The following NDUFAF6 variants were observed in gnomAD, a reference collection of about 807,000 sequenced individuals.
The protein encoded by NDUFAF6 is NADH dehydrogenase (ubiquinone) complex I, assembly factor 6.
In NDUFAF6, 45 loss-of-function variants were observed where a neutral mutation model predicts 40.8. The observed-to-expected ratio is 1.10, with a 90% confidence interval of 0.87 to 1.42. The LOEUF is 1.42. Ranked by LOEUF, NDUFAF6 falls within the 40% of genes most tolerant of loss-of-function variation. The probability of loss-of-function intolerance (pLI) is 0.00; values close to 1 mark genes in which losing one functional copy is unlikely to be tolerated. For missense variants in NDUFAF6, 435 were observed against 418.5 expected (o/e 1.04, Z -0.34); for synonymous variants, 185 against 155.9 (o/e 1.19, Z -1.39).
downstream of NDUFAF6, among the ~76,000 whole-genome samples, chr8:95,104,497 C>T (rs1359227184): frequency 6.6e-6 from 1 of 152,208 alleles, no homozygotes; most frequent in Non-Finnish European, 1.5e-5. Context: ...AACACAAAGT[C>T]AGTACCTTTA....
chr8:94,927,737 A>G (rs143979042), intron 1 of NDUFAF6: 1 of 152,652 alleles, frequency 6.6e-6, no homozygotes, highest in Admixed American at 6.5e-5. Flanking sequence ...TATAAAAGCT[A>G]AGAAACTCAT....
chr8:94,974,304 C>G (rs548484711), intron 1 of NDUFAF6, among the ~76,000 whole-genome samples: 1 of 151,202 alleles, frequency 6.6e-6, no homozygotes, highest in African/African-American at 2.4e-5. Flanking sequence ...GTGGAAGACA[C>G]GGAAAAATAT....
At chr8:95,082,418 G>C (rs890812719) in intron 2 of NDUFAF6, among the ~76,000 whole-genome samples, 1 of 152,084 alleles carries the variant, frequency 6.6e-6, no homozygotes, top group African/African-American at 2.4e-5. Flanking sequence ...AAATAGAGAG[G>C]CCCTGGTGCC....
chr8:94,924,380 A>C (rs1464067097), intron 1 of NDUFAF6, among the ~76,000 whole-genome samples: 1 of 152,182 alleles, frequency 6.6e-6, no homozygotes, highest in Non-Finnish European at 1.5e-5. Flanking sequence ...TTTTTAAAAA[A>C]GCTGCATTGA....
chr8:94,962,548 C>T (rs1388734527), intron 1 of NDUFAF6, among the ~76,000 whole-genome samples: 3 of 152,190 alleles, frequency 2.0e-5, no homozygotes, highest in Admixed American at 6.5e-5. Context: ...CTGCCTTGAC[C>T]TCCCAAAGTG....
At chr8:94,959,905 C>T (rs555965886) in intron 1 of NDUFAF6, among the ~76,000 whole-genome samples, 1 of 152,286 alleles carries the variant, frequency 6.6e-6, no homozygotes, top group South Asian at 2.1e-4. Context: ...TACATTTCAT[C>T]AGCTTTTCAT....
At chr8:95,108,036 AAAC>A (rs1209057092), downstream of NDUFAF6, among the ~76,000 whole-genome samples, 1 of 152,208 alleles carries the variant, frequency 6.6e-6, no homozygotes, top group Non-Finnish European at 1.5e-5. Flanking sequence ...TACCATAGAA[AAAC>A]AACAACGACA....
At chr8:95,020,201 A>G (rs896729081), upstream of NDUFAF6, among the ~76,000 whole-genome samples, 6 of 152,216 alleles carry the variant, frequency 3.9e-5, no homozygotes, top group African/African-American at 9.6e-5. Flanking sequence ...CTTTGTCTCA[A>G]AAAAACAAAG....
chr8:95,042,632 A>G (rs1313234440), intron 4 of NDUFAF6, among the ~76,000 whole-genome samples: 1 of 152,236 alleles, frequency 6.6e-6, no homozygotes, highest in East Asian at 1.9e-4. Flanking sequence ...AGAAATTGAC[A>G]AACTGGTCCT....
intron 1 of NDUFAF6, among the ~76,000 whole-genome samples, chr8:94,909,776 A>G (rs1818644827): frequency 6.6e-6 from 1 of 150,922 alleles, no homozygotes; most frequent in African/African-American, 2.4e-5. Context: ...AATAAATAAA[A>G]ATTATATATG....
At chr8:95,073,651 A>G (rs909031285) in intron 9 of NDUFAF6, among the ~76,000 whole-genome samples, 2 of 152,124 alleles carry the variant, frequency 1.3e-5, no homozygotes, top group African/African-American at 4.8e-5. Flanking sequence ...GTCTTTTTGC[A>G]TAACACTTAA....
At chr8:95,088,167 C>G (rs562242598) in intron 2 of NDUFAF6, among the ~76,000 whole-genome samples, 1 of 152,302 alleles carries the variant, frequency 6.6e-6, no homozygotes, top group South Asian at 2.1e-4. Context: ...AACCTCATGG[C>G]TATAAGGACC....
intron 3 of NDUFAF6, among the ~76,000 whole-genome samples, chr8:95,036,087 A>G (rs1052663844): frequency 6.6e-6 from 1 of 152,224 alleles, no homozygotes; most frequent in Non-Finnish European, 1.5e-5. Context: ...TTATCTATCC[A>G]TTGTTGAGTT....
chr8:95,039,975 C>T (rs7014664), intron 3 of NDUFAF6, among the ~76,000 whole-genome samples: 251 of 152,296 alleles, frequency 1.6e-3, no homozygotes, highest in African/African-American at 5.7e-3. Context: ...AGAACAATTT[C>T]ATCTAATTTT....
upstream of NDUFAF6, among the ~76,000 whole-genome samples, chr8:95,096,573 C>A (rs1223534125): frequency 6.6e-6 from 1 of 152,194 alleles, no homozygotes; most frequent in African/African-American, 2.4e-5. Flanking sequence ...TAGTATCATT[C>A]TTCTCATTTT....
downstream of NDUFAF6, among the ~76,000 whole-genome samples, chr8:95,062,966 T>C (rs1832608001): frequency 6.6e-6 from 1 of 152,176 alleles, no homozygotes; most frequent in African/African-American, 2.4e-5. Context: ...GAAGAGTCTG[T>C]GTCAAAGCTG....
At chr8:95,085,342 A>G (rs1809009449) in intron 2 of NDUFAF6, among the ~76,000 whole-genome samples, 1 of 152,220 alleles carries the variant, frequency 6.6e-6, no homozygotes, top group South Asian at 2.1e-4. Context: ...ATGCCTCTTC[A>G]TTCTACACTT....
intron 2 of NDUFAF6, among the ~76,000 whole-genome samples, chr8:95,081,788 G>C (rs1349106225): frequency 6.6e-6 from 1 of 152,182 alleles, no homozygotes; most frequent in Admixed American, 6.5e-5. Flanking sequence ...TGGGCCGGGC[G>C]TGGTGGCTCA....
intron 2 of NDUFAF6, chr8:95,034,125 A>G (rs977708799): frequency 1.7e-5 from 8 of 457,374 alleles, no homozygotes; most frequent in African/African-American, 1.6e-4. Flanking sequence ...ATGGAAAAGT[A>G]AGAGTAGTAC....
Sources: gnomAD v4.1 joint callset for allele counts (sites outside exome capture counted in the v4.1 genomes callset) on GRCh38, gnomAD v4.1.1 for gene constraint, MANE v1.5 for transcripts, NCBI Gene and HGNC (gene_info 2026-07-23, HGNC 2026-07-21) for gene names.